The following SPIRE1 variants were observed in gnomAD, a reference collection of about 807,000 sequenced individuals.
The protein encoded by SPIRE1 is protein spire homolog 1.
SPIRE1 carries 40 observed loss-of-function variants against 94.1 expected under a neutral mutation model. That is an observed-to-expected ratio of 0.43 (90% CI 0.33 to 0.55). SPIRE1 has a LOEUF of 0.55. Ranked by LOEUF, SPIRE1 falls within the 20% of genes least tolerant of loss-of-function variation. The pLI, the probability that SPIRE1 is intolerant of heterozygous loss-of-function variation, is 0.06. For missense variants in SPIRE1, 838 were observed against 975.2 expected, an observed-to-expected ratio of 0.86 and a Z score of 1.87; for synonymous variants, 376 against 371.7, an observed-to-expected ratio of 1.01 and a Z score of -0.13.
intron 8 of SPIRE1, among the ~76,000 whole-genome samples, chr18:12,492,372 T>C (rs1598927982): frequency 6.6e-6 from 1 of 152,216 alleles, no homozygotes; most frequent in South Asian, 2.1e-4. Context: ...AAGACAGTCG[T>C]ATAAATAAAA....
chr18:12,543,970 G>C (rs899531689), intron 3 of SPIRE1, among the ~76,000 whole-genome samples: 3 of 152,058 alleles, frequency 2.0e-5, no homozygotes, highest in African/African-American at 7.2e-5. Context: ...TAAAATTTCC[G>C]TTTACTTGTA....
At chr18:12,528,720 AG>A (rs1424100725) in intron 4 of SPIRE1, among the ~76,000 whole-genome samples, 3 of 152,214 alleles carry the variant, frequency 2.0e-5, no homozygotes, top group Admixed American at 2.0e-4. Flanking sequence ...GGTCCAGGCA[AG>A]AGATGTCAAA....
At chr18:12,517,572 T>C (rs551732192) in intron 4 of SPIRE1, among the ~76,000 whole-genome samples, 1 of 152,366 alleles carries the variant, frequency 6.6e-6, no homozygotes, top group Admixed American at 6.5e-5. Context: ...ATAACAGATG[T>C]CAACCTGTGC....
In SPIRE1 at chr18:12,463,442, T is replaced by C; in HGVS notation, c.1547A>G (p.Gln516Arg). 6.2e-7 allele frequency: 1 copy of C among 1,614,022 alleles called. No homozygotes were observed. The highest frequency in any genetic ancestry group is 8.5e-7 in the Non-Finnish European group (1 of 1,179,954). ...AATGGAATGTCGTCTCTGGGGTGGC[T>C]GCCGTCTCTCTGGCTGGGGTGTTGA... ...ISSTPQPERR[Q>R]PPQRRHSIEK... The change falls in exon 12 of 17, where the codon CAG becomes CGG. Residue 516 changes from glutamine to arginine, a missense_variant. Coordinates refer to ENST00000409402, the MANE Select transcript of SPIRE1 (RefSeq NM_001128626.2).
intron 7 of SPIRE1, among the ~76,000 whole-genome samples, chr18:12,494,838 CAAAA>C: frequency 3.1e-5 from 1 of 32,022 alleles, no homozygotes; most frequent in African/African-American, 1.5e-4. Context: ...GACTCCATCT[CAAAA>C]AAAAAAAAAA....
chr18:12,566,493 C>A (rs1598478798), intron 2 of SPIRE1, among the ~76,000 whole-genome samples: 1 of 152,150 alleles, frequency 6.6e-6, no homozygotes, highest in East Asian at 1.9e-4. Flanking sequence ...GGTCTAATAG[C>A]TAACAGTTTG....
At chr18:12,497,424 T>A (rs1284483821) in intron 6 of SPIRE1, among the ~76,000 whole-genome samples, 1 of 152,160 alleles carries the variant, frequency 6.6e-6, no homozygotes, top group African/African-American at 2.4e-5. Context: ...TGGTCTTGTT[T>A]GACAAAATAG....
intron 6 of SPIRE1, among the ~76,000 whole-genome samples, chr18:12,505,552 C>CAA (rs57390189): frequency 0.016 from 1,858 of 112,622 alleles, 29 homozygotes; most frequent in African/African-American, 0.045. Context: ...GACCCTGTCT[C>CAA]AAAAAAAAAA....
intron 4 of SPIRE1, among the ~76,000 whole-genome samples, chr18:12,527,536 C>T (rs1351416459): frequency 1.3e-5 from 2 of 152,116 alleles, no homozygotes; most frequent in African/African-American, 2.4e-5. Flanking sequence ...CCCCCAAGTA[C>T]ATAAATTATA....
chr18:12,546,912 C>T lies in SPIRE1; in HGVS notation c.373-8G>A, dbSNP rs1205963637. 6.3e-7 allele frequency: 1 copy of T among 1,597,362 alleles called. No homozygotes were observed. Among genetic ancestry groups the T allele is most frequent in the East Asian group, 2.2e-5 (1 of 44,734 alleles). Reference sequence around the variant, plus strand: ...TCCCAAAGATTCAATGACCTAGGAACATTTAAAAAAGTGGTTAATGGAGAT... The same window carrying T: ...TCCCAAAGATTCAATGACCTAGGAATATTTAAAAAAGTGGTTAATGGAGAT... On this transcript the variant is annotated splice_polypyrimidine_tract_variant and splice_region_variant and intron_variant, in intron 2 of 16. Transcript: ENST00000409402.
intron 2 of SPIRE1, among the ~76,000 whole-genome samples, chr18:12,556,559 G>C (rs575069913): frequency 6.6e-6 from 1 of 152,170 alleles, no homozygotes; most frequent in African/African-American, 2.4e-5. Flanking sequence ...AGATGCGTCC[G>C]GAGTTTCTTC....
intron 5 of SPIRE1, among the ~76,000 whole-genome samples, chr18:12,508,954 C>T (rs140682776): frequency 1.2e-3 from 180 of 152,278 alleles, no homozygotes; most frequent in African/African-American, 4.0e-3. Context: ...AGATTACAGG[C>T]GTGAGGCCCT....
intron 10 of SPIRE1, among the ~76,000 whole-genome samples, chr18:12,465,578 C>A (rs2032060640): frequency 6.6e-6 from 1 of 152,124 alleles, no homozygotes; most frequent in South Asian, 2.1e-4. Context: ...TTACCTGGCA[C>A]ACAATAAAAC....
chr18:12,513,530 T>C (rs1279864027), intron 4 of SPIRE1, among the ~76,000 whole-genome samples: 1 of 136,066 alleles, frequency 7.3e-6, no homozygotes, highest in African/African-American at 2.9e-5. Context: ...TATTTATTTA[T>C]TTATTTATTT....
At chr18:12,528,030 C>A (rs1454979481) in intron 4 of SPIRE1, among the ~76,000 whole-genome samples, 1 of 148,788 alleles carries the variant, frequency 6.7e-6, no homozygotes, top group Non-Finnish European at 1.5e-5. Context: ...GCACTCCAAC[C>A]TGGGTGACAG....
chr18:12,522,457 G>A (rs2034390643), intron 4 of SPIRE1, among the ~76,000 whole-genome samples: 1 of 152,258 alleles, frequency 6.6e-6, no homozygotes. Flanking sequence ...AGGTGAAGCA[G>A]CAAGTGCTGA....
chr18:12,547,702 G>A (rs1232362909), intron 2 of SPIRE1, among the ~76,000 whole-genome samples: 1 of 152,140 alleles, frequency 6.6e-6, no homozygotes, highest in Non-Finnish European at 1.5e-5. Context: ...AGCACTTTGG[G>A]AGGCTGAGGC....
At chr18:12,643,867 T>C (rs887826921) in intron 1 of SPIRE1, among the ~76,000 whole-genome samples, 2 of 151,894 alleles carry the variant, frequency 1.3e-5, no homozygotes, top group African/African-American at 4.8e-5. Flanking sequence ...TCTTTAAATA[T>C]AAATATAATG....
At chr18:12,562,131 A>G (rs2035704489) in intron 2 of SPIRE1, among the ~76,000 whole-genome samples, 1 of 152,220 alleles carries the variant, frequency 6.6e-6, no homozygotes, top group Non-Finnish European at 1.5e-5. Flanking sequence ...TAGGAGAGCA[A>G]GAGAAATAAG....
Sources: gnomAD v4.1 joint callset for allele counts (sites outside exome capture counted in the v4.1 genomes callset) on GRCh38, gnomAD v4.1.1 for gene constraint, MANE v1.5 for transcripts, NCBI Gene and HGNC (gene_info 2026-07-23, HGNC 2026-07-21) for gene names.